The following CERT1 variants were observed in gnomAD, a reference collection of about 807,000 sequenced individuals.
CERT1 encodes the protein ceramide transfer protein.
In CERT1, 31 loss-of-function variants were observed where a neutral mutation model predicts 87.9. The observed-to-expected ratio is 0.35, with a 90% CI of 0.27 to 0.48. CERT1 has a LOEUF of 0.48. Ranked by LOEUF, CERT1 falls within the 20% of genes least tolerant of loss-of-function variation. The pLI, the probability that CERT1 is intolerant of heterozygous loss-of-function variation, is 0.99. For synonymous variants in CERT1, 289 were observed against 250.9 expected (o/e 1.15, Z -1.44); for missense variants, 487 against 758.0 (o/e 0.64, Z 4.20).
intron 2 of CERT1, among the ~76,000 whole-genome samples, chr5:75,493,298 C>T (rs768064090): frequency 6.6e-6 from 1 of 152,164 alleles, no homozygotes; most frequent in Non-Finnish European, 1.5e-5. Context: ...TATTCTGAAG[C>T]AAATTCTAAA....
upstream of CERT1, chr5:75,511,637 C>T: frequency 1.3e-6 from 2 of 1,494,136 alleles, no homozygotes; most frequent in Non-Finnish European, 8.9e-7. Flanking sequence ...TTTACCCTCC[C>T]CTCCCCTGTC....
intron 6 of CERT1, among the ~76,000 whole-genome samples, chr5:75,417,867 T>TA (rs749578419): frequency 2.0e-5 from 3 of 152,140 alleles, no homozygotes; most frequent in Non-Finnish European, 4.4e-5. Context: ...TCATTAATAA[T>TA]AAACACTGGC....
intron 8 of CERT1, among the ~76,000 whole-genome samples, chr5:75,405,636 AAT>A (rs1762671454): frequency 6.6e-6 from 1 of 152,112 alleles, no homozygotes; most frequent in African/African-American, 2.4e-5. Flanking sequence ...TTCCAAATAC[AAT>A]AGTCTCCCCC....
chr5:75,451,966 T>A (rs905113752), intron 3 of CERT1, among the ~76,000 whole-genome samples: 1 of 152,130 alleles, frequency 6.6e-6, no homozygotes, highest in Admixed American at 6.5e-5. Flanking sequence ...AACAATGGGG[T>A]TCTCTCAGTA....
chr5:75,387,231 C>T (rs1761826998), intron 12 of CERT1, among the ~76,000 whole-genome samples: 2 of 152,120 alleles, frequency 1.3e-5, no homozygotes, highest in Admixed American at 1.3e-4. Flanking sequence ...TCTATTGACA[C>T]CATGGCACTG....
intron 3 of CERT1, among the ~76,000 whole-genome samples, chr5:75,450,763 A>G (rs920591600): frequency 9.8e-5 from 15 of 152,316 alleles, no homozygotes; most frequent in African/African-American, 3.6e-4. Context: ...ATCAGAAAAT[A>G]TTTGAATCCA....
At chr5:75,403,719 G>A (rs934967008) in intron 8 of CERT1, among the ~76,000 whole-genome samples, 2 of 152,226 alleles carry the variant, frequency 1.3e-5, no homozygotes, top group Admixed American at 6.5e-5. Context: ...CTAGATGGCA[G>A]AATAATGGCC....
chr5:75,397,628 T>C (rs564779192), intron 11 of CERT1, among the ~76,000 whole-genome samples: 5 of 152,374 alleles, frequency 3.3e-5, no homozygotes, highest in African/African-American at 1.2e-4. Flanking sequence ...GTCTGTGATA[T>C]GATTTTAATG....
chr5:75,384,720 G>A lies in CERT1; in HGVS notation c.1418-8C>T, dbSNP rs1168184172. 6.6e-7 allele frequency: 1 copy of A among 1,520,198 alleles called. No homozygotes were observed. Among genetic ancestry groups the A allele is most frequent in the East Asian group, 2.3e-5 (1 of 44,306 alleles). 94.2% of individuals were successfully genotyped at this position (1,520,198 alleles called of 1,614,324 possible). A position where few individuals can be genotyped will look rare whatever the true frequency, so the allele number is the denominator to read the frequency against. ...GAAAGTTTTCTATAGTTGCTGAAAT[G>A]AAGAGAATAATAAAAAGATATATTA... On this transcript the variant is annotated splice_region_variant and splice_polypyrimidine_tract_variant and intron_variant, in intron 13 of 16. Transcript: ENST00000643780.
At chr5:75,487,761 C>T (rs2112415419) in intron 2 of CERT1, among the ~76,000 whole-genome samples, 1 of 152,044 alleles carries the variant, frequency 6.6e-6, no homozygotes, top group African/African-American at 2.4e-5. Flanking sequence ...CAACTGAAAA[C>T]CACAATGAGA....
chr5:75,384,847 A>G, intron 13 of CERT1, 135 bp from the exon 14 acceptor site: 1 of 594,644 alleles, frequency 1.7e-6, no homozygotes, highest in Non-Finnish European at 3.0e-6. Flanking sequence ...GTTACATCCA[A>G]ATGGAAGGTA....
intron 2 of CERT1, among the ~76,000 whole-genome samples, chr5:75,480,604 C>G (rs1766191690): frequency 6.6e-6 from 1 of 152,214 alleles, no homozygotes; most frequent in African/African-American, 2.4e-5. Flanking sequence ...CCCTGGTCTC[C>G]AGACTTTTTT....
intron 2 of CERT1, among the ~76,000 whole-genome samples, chr5:75,488,979 TG>T (rs1766652645): frequency 6.6e-6 from 1 of 152,036 alleles, no homozygotes. Flanking sequence ...GGAGGCATCA[TG>T]CTACCTGACT....
At chr5:75,460,408 G>A (rs1480595733) in intron 2 of CERT1, among the ~76,000 whole-genome samples, 1 of 152,162 alleles carries the variant, frequency 6.6e-6, no homozygotes, top group Non-Finnish European at 1.5e-5. Context: ...GAGCTATCTA[G>A]AGAAAACTCC....
intron 11 of CERT1, among the ~76,000 whole-genome samples, chr5:75,395,555 CAAAAAAAAAAAA>C (rs35109034): frequency 3.3e-4 from 16 of 48,012 alleles, no homozygotes; most frequent in Non-Finnish European, 5.8e-4. Flanking sequence ...TGTCTCTTTA[CAAAAAAAAAAAA>C]AAAAAAAAAA....
chr5:75,492,165 G>A (rs1003966878), intron 2 of CERT1, among the ~76,000 whole-genome samples: 1 of 151,988 alleles, frequency 6.6e-6, no homozygotes, highest in Admixed American at 6.6e-5. Flanking sequence ...GCAACATAGC[G>A]AGACTCAGTC....
chr5:75,506,128 A>G lies in CERT1; in HGVS notation c.97-12T>C. On this transcript the variant is annotated splice_polypyrimidine_tract_variant and intron_variant, in intron 1 of 16. Transcript: ENST00000643780. ...ATGTAGTTTGTCCACTGGGAGTGGG[A>G]AGGGGAAGGGAAGAGAGAAGAAAAC... 4 of 1,611,570 alleles carry G rather than the reference A, an allele frequency of 2.5e-6. No individual in the cohort carries two copies. Among genetic ancestry groups the G allele is most frequent in the Non-Finnish European group, 3.4e-6 (4 of 1,178,456 alleles).
chr5:75,494,718 A>G (rs1374979201), intron 2 of CERT1, among the ~76,000 whole-genome samples: 2 of 152,166 alleles, frequency 1.3e-5, no homozygotes, highest in African/African-American at 4.8e-5. Context: ...ATAGTTTAGG[A>G]TCTGGGTTTC....
intron 2 of CERT1, among the ~76,000 whole-genome samples, chr5:75,464,543 T>C (rs1458036712): frequency 6.6e-6 from 1 of 152,128 alleles, no homozygotes; most frequent in Non-Finnish European, 1.5e-5. Context: ...CAAACTTGCA[T>C]TGTTGCCCAG....
Sources: allele counts gnomAD v4.1 joint callset (sites outside exome capture counted in the v4.1 genomes callset), GRCh38; gene constraint gnomAD v4.1.1; transcripts MANE v1.5; gene names NCBI Gene and HGNC (gene_info 2026-07-23, HGNC 2026-07-21).